The following LINGO2 variants were observed in gnomAD, a reference collection of about 807,000 sequenced individuals.
LINGO2 encodes the protein leucine-rich repeat and immunoglobulin-like domain-containing nogo receptor-interacting protein 2.
A neutral mutation model predicts 30.6 loss-of-function variants in LINGO2; 14 were observed. That is an observed-to-expected ratio of 0.46 (90% confidence interval 0.30 to 0.72). The LOEUF (loss-of-function observed/expected upper bound fraction) is 0.72. Among genes scored for constraint, LINGO2 ranks in the 30% least tolerant of loss-of-function variants. The pLI, the probability that LINGO2 is intolerant of heterozygous loss-of-function variation, is 0.07. For synonymous variants in LINGO2, 317 were observed against 288.5 expected (o/e 1.10, Z -1.00); for missense variants, 729 against 751.7 (o/e 0.97, Z 0.35).
intron 3 of LINGO2, among the ~76,000 whole-genome samples, chr9:28,360,912 A>G (rs1228609209): frequency 1.3e-5 from 2 of 152,156 alleles, no homozygotes; most frequent in Non-Finnish European, 2.9e-5. Flanking sequence ...ACAAAAAACA[A>G]CTAGATTTAA....
chr9:28,566,110 G>A (rs1003468805), intron 1 of LINGO2, among the ~76,000 whole-genome samples: 2 of 152,114 alleles, frequency 1.3e-5, no homozygotes, highest in South Asian at 2.1e-4. Flanking sequence ...CATCAGAATG[G>A]ACACTGGCTT....
At chr9:29,079,171 C>T in the LINGO2 span, among the ~76,000 whole-genome samples, 1 of 151,820 alleles carries the variant, frequency 6.6e-6, no homozygotes, top group Non-Finnish European at 1.5e-5. Context: ...GGTAGATGTG[C>T]TCTGTGGATG....
chr9:29,175,076 T>C, the LINGO2 span, among the ~76,000 whole-genome samples: 3 of 152,088 alleles, frequency 2.0e-5, no homozygotes, highest in Admixed American at 2.0e-4. Flanking sequence ...CTGACCAACA[T>C]GATGAAACCC....
the LINGO2 span, among the ~76,000 whole-genome samples, chr9:29,107,663 T>A: frequency 6.6e-6 from 1 of 152,124 alleles, no homozygotes; most frequent in Non-Finnish European, 1.5e-5. Context: ...AATGAAAATC[T>A]TGAGGAAAAG....
the LINGO2 span, among the ~76,000 whole-genome samples, chr9:29,151,210 G>T: frequency 6.6e-6 from 1 of 152,072 alleles, no homozygotes; most frequent in Non-Finnish European, 1.5e-5. Flanking sequence ...TAAGCAATCA[G>T]AGAGGGAATT....
chr9:28,780,187 G>A, the LINGO2 span, among the ~76,000 whole-genome samples: 4 of 152,256 alleles, frequency 2.6e-5, no homozygotes, highest in Admixed American at 2.0e-4. Flanking sequence ...CTTAAAAAGA[G>A]AATGTTGCCA....
chr9:28,681,857 T>C, the LINGO2 span, among the ~76,000 whole-genome samples: 1 of 152,086 alleles, frequency 6.6e-6, no homozygotes, highest in Non-Finnish European at 1.5e-5. Context: ...TAGAGAGAAA[T>C]AGGCTCTCTT....
intron 1 of LINGO2, among the ~76,000 whole-genome samples, chr9:28,605,871 A>T (rs940396368): frequency 6.6e-6 from 1 of 152,048 alleles, no homozygotes; most frequent in African/African-American, 2.4e-5. Context: ...GTTGCTACAA[A>T]GTCCTATGGT....
At chr9:28,805,287 G>A in the LINGO2 span, among the ~76,000 whole-genome samples, 1 of 152,144 alleles carries the variant, frequency 6.6e-6, no homozygotes, top group Non-Finnish European at 1.5e-5. Context: ...TTGTATACTA[G>A]TGAAACAGTA....
chr9:28,525,660 G>C (rs1052063954), intron 1 of LINGO2, among the ~76,000 whole-genome samples: 2 of 152,170 alleles, frequency 1.3e-5, no homozygotes, highest in African/African-American at 4.8e-5. Context: ...AAGTGGGAGT[G>C]TATGTGAGGG....
intron 5 of LINGO2, among the ~76,000 whole-genome samples, chr9:27,960,117 C>CA (rs1819766788): frequency 6.6e-6 from 1 of 151,730 alleles, no homozygotes; most frequent in Non-Finnish European, 1.5e-5. Flanking sequence ...ATAAGATATT[C>CA]AAATATATGA....
the LINGO2 span, among the ~76,000 whole-genome samples, chr9:28,812,118 T>C: frequency 6.6e-6 from 1 of 152,016 alleles, no homozygotes; most frequent in African/African-American, 2.4e-5. Flanking sequence ...TCAATTAGCG[T>C]ATATTTAGAA....
Position 27,993,775 on chromosome 9 carries a change from T to TA in LINGO2, c.-36+18579dup, listed in dbSNP as rs575647892. 1.3e-4 allele frequency among the ~76,000 whole-genome samples: 20 copies of TA among 152,176 alleles called. No individual in the cohort carries two copies. The South Asian group carries it at 4.1e-3, about 32-fold the overall frequency. ...CATTTTAACATTTACCCCTAGTACC[T>TA]AGTAAATGGCTGCAAACATAAAAGC... On this transcript the variant is annotated intron_variant, in intron 5 of 5. Coordinates refer to ENST00000379992, the Ensembl canonical transcript of LINGO2.
chr9:28,987,830 T>A, the LINGO2 span, among the ~76,000 whole-genome samples: 2 of 152,328 alleles, frequency 1.3e-5, no homozygotes, highest in South Asian at 4.1e-4. Flanking sequence ...TTTCCATGTA[T>A]TTATGGATTT....
intron 5 of LINGO2, among the ~76,000 whole-genome samples, chr9:27,977,585 A>C (rs1475588151): frequency 6.6e-6 from 1 of 151,982 alleles, no homozygotes; most frequent in East Asian, 1.9e-4. Flanking sequence ...TCAGAAGACA[A>C]GTTTTATTAG....
chr9:29,003,193 C>T, the LINGO2 span, among the ~76,000 whole-genome samples: 2 of 152,044 alleles, frequency 1.3e-5, no homozygotes, highest in Admixed American at 1.3e-4. Context: ...GACATCTAGC[C>T]TCCAGAACTG....
At chr9:28,448,917 G>A (rs1824535006) in intron 2 of LINGO2, among the ~76,000 whole-genome samples, 1 of 151,966 alleles carries the variant, frequency 6.6e-6, no homozygotes, top group African/African-American at 2.4e-5. Flanking sequence ...AGGGAACAAA[G>A]AAAAGCATTA....
chr9:28,304,114 T>C (rs1240087896), intron 3 of LINGO2, among the ~76,000 whole-genome samples: 1 of 152,040 alleles, frequency 6.6e-6, no homozygotes, highest in Non-Finnish European at 1.5e-5. Flanking sequence ...TTTTGTGAGA[T>C]GTGGATCTCC....
chr9:28,966,615 A>T, the LINGO2 span, among the ~76,000 whole-genome samples: 1 of 152,160 alleles, frequency 6.6e-6, no homozygotes, highest in Non-Finnish European at 1.5e-5. Flanking sequence ...TTGACTTGGT[A>T]ACTTATGTCA....
Sources: gnomAD v4.1 joint callset for allele counts (sites outside exome capture counted in the v4.1 genomes callset) on GRCh38, gnomAD v4.1.1 for gene constraint, MANE v1.5 for transcripts, NCBI Gene and HGNC (gene_info 2026-07-23, HGNC 2026-07-21) for gene names.